The following ZNF37A variants were observed in gnomAD, a reference collection of about 807,000 sequenced individuals.
ZNF37A encodes the protein zinc finger protein 37a (KOX 21).
Under a neutral mutation model 12.3 loss-of-function variants are expected in ZNF37A, and 10 were observed. The ratio of observed to expected loss-of-function variants is 0.82; its 90% CI spans 0.50 to 1.38. The LOEUF is 1.38. Ranked by LOEUF, ZNF37A falls within the 40% of genes most tolerant of loss-of-function variation. ZNF37A has a pLI of 0.00. For missense variants in ZNF37A, 580 were observed against 651.2 expected (o/e 0.89, Z 1.19); for synonymous variants, 207 against 223.0 (o/e 0.93, Z 0.64).
intron 5 of ZNF37A, among the ~76,000 whole-genome samples, chr10:38,106,093 C>T (rs2068055363): frequency 6.6e-6 from 1 of 152,086 alleles, no homozygotes; most frequent in African/African-American, 2.4e-5. Flanking sequence ...CAGTCTTTCA[C>T]TGTGGAGTAT....
chr10:38,094,347 G>A lies in ZNF37A; in HGVS notation c.-635G>A, dbSNP rs1772019733. 7.9e-6 allele frequency: 1 copy of A among 126,372 alleles called. No individual in the cohort carries two copies. The highest frequency in any genetic ancestry group is 2.2e-4 in the South Asian group (1 of 4,484). The allele number at this position is 126,372 out of a possible 1,614,324, so 7.8% of individuals were successfully genotyped here. ...CGCGAGGACTTGTGGGAGATGTAGT[G>A]TGCACTTTTCGGCCCCCGTCGCGGG... On this transcript the variant is annotated 5_prime_UTR_variant, in exon 1 of 8. In the 5' UTR this introduces an upstream ATG that the reference lacks. Transcript: ENST00000685332.
rs1179042260 is a variant in ZNF37A at position 38,121,260 on chromosome 10, T to G, written c.*2423T>G. ...GCTATAGACCAAAGTCTCATAGATT[T>G]AGATGCAAAATCCTAAAATTGAAAA... On this transcript the variant is annotated 3_prime_UTR_variant, in exon 8 of 8. Transcript: ENST00000685332. 1 of 152,074 alleles carries G rather than the reference T, an allele frequency of 6.6e-6. No homozygotes were observed. The highest frequency in any genetic ancestry group is 2.4e-5 in the African/African-American group (1 of 41,430). 9.4% of individuals were successfully genotyped at this position (152,074 alleles called of 1,614,324 possible). A position where few individuals can be genotyped will look rare whatever the true frequency, so the allele number is the denominator to read the frequency against.
intron 5 of ZNF37A, among the ~76,000 whole-genome samples, chr10:38,101,823 C>CTT (rs3041908): frequency 1.2e-4 from 16 of 133,148 alleles, no homozygotes; most frequent in Admixed American, 2.3e-4. Context: ...TTTTATTTTT[C>CTT]TTTTTTTTTT....
In ZNF37A at chr10:38,118,730, G is replaced by A. The variant is rs1488747770; in HGVS notation, c.1579G>A (p.Val527Ile). ...AGGGGAGAAACCCTATGAATGTAAT[G>A]TTTGTGGAAAATCATTCTATGTTAA... ...HTGEKPYECN[V>I]CGKSFYVKSK... is the part of the protein sequence containing the mutation. The change falls in exon 8 of 8, where the codon GTT becomes ATT. Residue 527 changes from valine to isoleucine, a missense_variant. Val to Ile is a conservative substitution (Grantham distance 29). Transcript: ENST00000685332. 1.2e-6 allele frequency: 2 copies of A among 1,613,826 alleles called. No individual in the cohort carries two copies.
At chr10:38,115,037 T>C (rs2069134908) in intron 6 of ZNF37A, among the ~76,000 whole-genome samples, 156 bp downstream of exon 6, 1 of 151,126 alleles carries the variant, frequency 6.6e-6, no homozygotes, top group African/African-American at 2.4e-5. Flanking sequence ...AAGAATGTTT[T>C]CCTCTGCCCC....
rs375965197 is a variant in ZNF37A, at chr10:38,118,179, C to T, written c.1028C>T (p.Thr343Ile). Residue 343 changes from threonine to isoleucine, a missense_variant, in exon 8 of 8, where the codon ACT becomes ATT. Physicochemically the swap from Thr to Ile is moderately conservative, Grantham distance 89 (BLOSUM62 -1). Transcript: ENST00000685332. ...TCCTTCAGTGAAAAGTCAACCCTTACTCAACATCAAAGAACGCACACAGGG... is the reference window on the plus strand; with the variant it reads ...TCCTTCAGTGAAAAGTCAACCCTTATTCAACATCAAAGAACGCACACAGGG... ...GKSFSEKSTL[T>I]QHQRTHTGEK... is the part of the protein sequence containing the mutation. 9.3e-6 allele frequency: 15 copies of T among 1,613,764 alleles called. No homozygotes were observed. In the African/African-American group the frequency reaches 1.7e-4, roughly 19 times the overall value.
chr10:38,142,347 G>A (rs1432973961), intron 7 of ZNF37A: 1 of 152,132 alleles, frequency 6.6e-6, no homozygotes, highest in Non-Finnish European at 1.5e-5. Flanking sequence ...AGCTTCTACT[G>A]CTCTGATGAT....
At chr10:38,102,193 T>C (rs2067648736) in intron 5 of ZNF37A, among the ~76,000 whole-genome samples, 1 of 152,186 alleles carries the variant, frequency 6.6e-6, no homozygotes, top group Non-Finnish European at 1.5e-5. Context: ...TTAAAGTAAA[T>C]GATAAACTGA....
At chr10:38,106,345 C>T (rs2068087858) in intron 5 of ZNF37A, among the ~76,000 whole-genome samples, 1 of 152,126 alleles carries the variant, frequency 6.6e-6, no homozygotes, top group South Asian at 2.1e-4. Context: ...CTGAAGGTCA[C>T]CAACATCAAA....
intron 7 of ZNF37A, among the ~76,000 whole-genome samples, chr10:38,134,727 G>A (rs1370149739): frequency 6.6e-6 from 1 of 152,190 alleles, no homozygotes; most frequent in Non-Finnish European, 1.5e-5. Flanking sequence ...TCCCAGTTAG[G>A]CCACTCAGGG....
chr10:38,117,937 G>T lies in ZNF37A; in HGVS notation c.786G>T (p.Gln262His). Residue 262 changes from glutamine to histidine, a missense_variant, in exon 8 of 8, where the codon CAG becomes CAT. Coordinates refer to ENST00000685332, the MANE Select transcript of ZNF37A (RefSeq NM_001324250.3). ...AAAAATTAGTCCTTCATTTACAACA[G>T]AGAACACATACAGGAGAAAAACCTT... ...FSEKLVLHLQ[Q>H]RTHTGEKPYE... 1 of 1,613,838 alleles carries T rather than the reference G, an allele frequency of 6.2e-7. No homozygotes were observed. The highest frequency in any genetic ancestry group is 1.1e-5 in the South Asian group (1 of 91,078).
In ZNF37A at chr10:38,119,038, T is replaced by A; in HGVS notation, c.*201T>A. 1 of 1,261,026 alleles carries A rather than the reference T, an allele frequency of 7.9e-7. No homozygotes were observed. Among genetic ancestry groups the A allele is most frequent in the Non-Finnish European group, 1.0e-6 (1 of 1,003,314 alleles). 78.1% of individuals were successfully genotyped at this position (1,261,026 alleles called of 1,614,324 possible). ...ATACACTATGTTACAAAACTAAAAG[T>A]GGAAAAAACTTATTGGTGAATGAAT... On this transcript the variant is annotated 3_prime_UTR_variant, in exon 8 of 8. Coordinates refer to ENST00000685332, the MANE Select transcript of ZNF37A (RefSeq NM_001324250.3).
chr10:38,133,814 C>T (rs2070067505), intron 7 of ZNF37A, among the ~76,000 whole-genome samples: 1 of 152,128 alleles, frequency 6.6e-6, no homozygotes, highest in South Asian at 2.1e-4. Flanking sequence ...ATTTATAGTC[C>T]TTTGGGTATA....
rs1479817147 is a variant in ZNF37A, at chr10:38,119,957, G to T, written c.*1120G>T. 1 of 152,152 alleles carries T rather than the reference G, an allele frequency of 6.6e-6. No individual in the cohort carries two copies. Among genetic ancestry groups the T allele is most frequent in the Non-Finnish European group, 1.5e-5 (1 of 68,034 alleles). The allele number at this position is 152,152 out of a possible 1,614,324, so 9.4% of individuals were successfully genotyped here. ...TTATGAGGATTAGTAGAAGAGAGTG[G>T]GTCCAGATTTCTGGTGGTTTCTGCC... On this transcript the variant is annotated 3_prime_UTR_variant, in exon 8 of 8. Transcript: ENST00000685332.
chr10:38,105,324 G>T (rs2135924791), intron 5 of ZNF37A, among the ~76,000 whole-genome samples: 1 of 152,148 alleles, frequency 6.6e-6, no homozygotes, highest in African/African-American at 2.4e-5. Flanking sequence ...TCTCTTACCT[G>T]CCAGTGCTAC....
chr10:38,128,396 A>C (rs769199816), downstream of ZNF37A, among the ~76,000 whole-genome samples: 1 of 152,156 alleles, frequency 6.6e-6, no homozygotes, highest in African/African-American at 2.4e-5. Context: ...TAATCATGGC[A>C]GAGATGTATA....
In ZNF37A at chr10:38,120,086, A is replaced by G. The variant is rs2069602598; in HGVS notation, c.*1249A>G. Reference sequence around the variant, plus strand: ...GAAACATGTCTTTCATAGGTGATACAACTTTTTAAAATGTATGTGTAGATA... The same window carrying G: ...GAAACATGTCTTTCATAGGTGATACGACTTTTTAAAATGTATGTGTAGATA... On this transcript the variant is annotated 3_prime_UTR_variant, in exon 8 of 8. Coordinates refer to ENST00000685332, the MANE Select transcript of ZNF37A (RefSeq NM_001324250.3). 1 of 152,196 alleles carries G rather than the reference A, an allele frequency of 6.6e-6. No individual in the cohort carries two copies. The highest frequency in any genetic ancestry group is 1.5e-5 in the Non-Finnish European group (1 of 68,036). 9.4% of individuals were successfully genotyped at this position (152,196 alleles called of 1,614,324 possible). A position where few individuals can be genotyped will look rare whatever the true frequency, so the allele number is the denominator to read the frequency against.
chr10:38,133,174 G>A (rs183713180), intron 7 of ZNF37A, among the ~76,000 whole-genome samples: 42 of 152,194 alleles, frequency 2.8e-4, no homozygotes, highest in African/African-American at 9.9e-4. Flanking sequence ...AAAGTCTCCT[G>A]TAGATTTTGT....
Position 38,124,601 on chromosome 10 carries a change from A to G in ZNF37A, c.*5764A>G, listed in dbSNP as rs905600988. Reference sequence around the variant, plus strand: ...GTATGTACCCACAAAAATTAAAAATAAAGTAAAATTTCAATGATTAGGAAG... The same window carrying G: ...GTATGTACCCACAAAAATTAAAAATGAAGTAAAATTTCAATGATTAGGAAG... On this transcript the variant is annotated 3_prime_UTR_variant, in exon 8 of 8. Transcript: ENST00000685332. The G allele has an allele frequency of 7.2e-5, 11 of 152,206 alleles. No homozygotes were observed. The highest frequency in any genetic ancestry group is 2.7e-4 in the African/African-American group (11 of 41,470). 9.4% of individuals were successfully genotyped at this position (152,206 alleles called of 1,614,324 possible).
Sources: allele counts gnomAD v4.1 joint callset (sites outside exome capture counted in the v4.1 genomes callset), GRCh38; gene constraint gnomAD v4.1.1; transcripts MANE v1.5; gene names NCBI Gene and HGNC (gene_info 2026-07-23, HGNC 2026-07-21).